The following NWD2 variants were observed in gnomAD, a reference collection of about 807,000 sequenced individuals.
The protein encoded by NWD2 is NACHT and WD repeat domain containing 2.
Under a neutral mutation model 132.7 loss-of-function variants are expected in NWD2, and 37 were observed. The ratio of observed to expected loss-of-function variants is 0.28; its 90% confidence interval spans 0.21 to 0.37. The LOEUF (loss-of-function observed/expected upper bound fraction) is 0.37, where lower values mean the gene tolerates loss of function less well. Among genes scored for constraint, NWD2 ranks in the 10% least tolerant of loss-of-function variants. The pLI is 1.00. For synonymous variants in NWD2, 705 were observed against 803.0 expected (o/e 0.88, Z 2.06); for missense variants, 1,592 against 2,122.4 (o/e 0.75, Z 4.91).
In NWD2 at chr4:37,439,354, TGGG is replaced by T; in HGVS notation, c.1261_1263del (p.Gly421del). Reference sequence around the variant, plus strand: ...TTATTATATATGGTGGGCCATGCACTGGGAAGACCCTTCTGCTAGCTGAAGTAG... The same window carrying T: ...TTATTATATATGGTGGGCCATGCACTAAGACCCTTCTGCTAGCTGAAGTAG... On this transcript the variant is annotated inframe_deletion, in exon 6 of 7. Coordinates refer to ENST00000309447, the MANE Select transcript of NWD2 (RefSeq NM_001144990.2). The surrounding 1 kb of genome is among the most constrained non-coding windows in gnomAD (Gnocchi z 4.5). 1 of 1,499,342 alleles carries T rather than the reference TGGG, an allele frequency of 6.7e-7. No individual in the cohort carries two copies. The highest frequency in any genetic ancestry group is 8.9e-7 in the Non-Finnish European group (1 of 1,123,574). 92.9% of individuals were successfully genotyped at this position (1,499,342 alleles called of 1,614,324 possible). A position where few individuals can be genotyped will look rare whatever the true frequency, so the allele number is the denominator to read the frequency against.
At chr4:37,288,159 A>T (rs999757768) in intron 1 of NWD2, among the ~76,000 whole-genome samples, 8 of 152,148 alleles carry the variant, frequency 5.3e-5, no homozygotes, top group African/African-American at 1.2e-4. Context: ...AGGGCCTCTT[A>T]GGGGTTGAAG....
At chr4:37,409,368 AG>A (rs1345790214) in intron 3 of NWD2, among the ~76,000 whole-genome samples, 3 of 151,878 alleles carry the variant, frequency 2.0e-5, no homozygotes, top group Non-Finnish European at 4.4e-5. Flanking sequence ...AGCATACACA[AG>A]TATCAATAGC....
intron 1 of NWD2, among the ~76,000 whole-genome samples, chr4:37,289,716 T>C (rs1718319626): frequency 6.6e-6 from 1 of 152,212 alleles, no homozygotes; most frequent in African/African-American, 2.4e-5. Flanking sequence ...TTTTGTCAGA[T>C]GCCTATGTCA....
intron 2 of NWD2, among the ~76,000 whole-genome samples, chr4:37,352,384 G>C (rs1168744104): frequency 1.3e-5 from 2 of 151,222 alleles, no homozygotes; most frequent in Non-Finnish European, 2.9e-5. Flanking sequence ...CATATCCCCT[G>C]GTCCAGAGCT....
At chr4:37,367,928 G>A (rs191214001) in intron 3 of NWD2, among the ~76,000 whole-genome samples, 24 of 152,100 alleles carry the variant, frequency 1.6e-4, no homozygotes, top group Admixed American at 6.6e-4. Flanking sequence ...GACCCTAAAT[G>A]GTTTAACTGG....
intron 1 of NWD2, among the ~76,000 whole-genome samples, chr4:37,270,863 T>C (rs1001466066): frequency 1.3e-5 from 2 of 151,902 alleles, no homozygotes; most frequent in African/African-American, 4.8e-5. Flanking sequence ...TATGTTTTCT[T>C]CTAGAAACTA....
intron 1 of NWD2, among the ~76,000 whole-genome samples, chr4:37,267,620 C>T (rs974692993): frequency 2.0e-5 from 3 of 151,884 alleles, no homozygotes; most frequent in Non-Finnish European, 4.4e-5. Context: ...TACTGAAAGT[C>T]GTGGGCTGTA....
At chr4:37,333,304 T>C (rs1264770543) in intron 2 of NWD2, among the ~76,000 whole-genome samples, 1 of 152,200 alleles carries the variant, frequency 6.6e-6, no homozygotes, top group Non-Finnish European at 1.5e-5. Flanking sequence ...CTGTGATGGC[T>C]TCCTGTCTAA....
rs1712248722 is a variant in NWD2 at position 37,434,016 on chromosome 4, C to T, written c.702C>T (p.Phe234=). The stretch of plus-strand genomic sequence containing the variant: ...ACAGCCAGGCTAAGAGGTACCTGTT[C>T]TCAGGTAATTTTCCCATACCTTCAG... ...MKHSQAKRYL[F]SAIEDEFDFA... The change falls in exon 5 of 7, where the codon TTC becomes TTT. Residue 234 remains phenylalanine, a synonymous_variant. Transcript: ENST00000309447. The T allele has an allele frequency of 6.5e-7, 1 of 1,540,680 alleles. No individual in the cohort carries two copies. Among genetic ancestry groups the T allele is most frequent in the African/African-American group, 1.4e-5 (1 of 72,516 alleles).
chr4:37,414,618 C>T (rs916473636), intron 3 of NWD2, among the ~76,000 whole-genome samples: 3 of 152,124 alleles, frequency 2.0e-5, no homozygotes, highest in Admixed American at 6.5e-5. Context: ...AGCTGGCTTG[C>T]ATAGTTTCTC....
intron 2 of NWD2, among the ~76,000 whole-genome samples, chr4:37,351,111 T>A (rs777953226): frequency 6.6e-6 from 1 of 152,224 alleles, no homozygotes; most frequent in Non-Finnish European, 1.5e-5. Context: ...TTTGCATCAG[T>A]GTTTGTCAGG....
At chr4:37,318,020 CTTT>C (rs71185128) in intron 1 of NWD2, among the ~76,000 whole-genome samples, 3 of 113,360 alleles carry the variant, frequency 2.6e-5, no homozygotes, top group African/African-American at 4.1e-5. Flanking sequence ...TTTTTTCTTT[CTTT>C]TTTTTTTTTT....
intron 1 of NWD2, among the ~76,000 whole-genome samples, chr4:37,276,676 C>T (rs1342847640): frequency 4.6e-5 from 7 of 152,048 alleles, no homozygotes; most frequent in Non-Finnish European, 8.8e-5. Flanking sequence ...GCTATAAAGA[C>T]ACATGCACAC....
In NWD2 at chr4:37,443,686, C is replaced by T. The variant is rs770527443; in HGVS notation, c.1698C>T (p.Tyr566=). 6.4e-7 allele frequency: 1 copy of T among 1,552,148 alleles called. No individual in the cohort carries two copies. The highest frequency in any genetic ancestry group is 8.7e-7 in the Non-Finnish European group (1 of 1,147,120). The change falls in exon 7 of 7, where the codon TAC becomes TAT. Residue 566 remains tyrosine (Y), a synonymous_variant. Transcript: ENST00000309447. The surrounding 1 kb of genome is among the most constrained non-coding windows in gnomAD (Gnocchi z 4.1). Reference sequence around the variant, plus strand: ...GCCTTATCCATGAAGAAGACAACTACATCGAGCTGATTCCCCGAGACAGGA... The same window carrying T: ...GCCTTATCCATGAAGAAGACAACTATATCGAGCTGATTCCCCGAGACAGGA... The part of the protein sequence containing the change: ...LRCLIHEEDN[Y]IELIPRDRKM...
chr4:37,392,709 G>C (rs1720701996), intron 3 of NWD2, among the ~76,000 whole-genome samples: 1 of 152,208 alleles, frequency 6.6e-6, no homozygotes. Context: ...TTGCTAGCTT[G>C]AGCTTGGCCC....
chr4:37,425,225 G>T (rs1166811168), intron 3 of NWD2, among the ~76,000 whole-genome samples: 1 of 152,186 alleles, frequency 6.6e-6, no homozygotes, highest in East Asian at 1.9e-4. Context: ...TACATTTACA[G>T]TGTTGTACAA....
intron 1 of NWD2, among the ~76,000 whole-genome samples, chr4:37,281,896 A>G (rs944326637): frequency 1.1e-4 from 17 of 152,182 alleles, no homozygotes; most frequent in African/African-American, 4.1e-4. Context: ...ACAAACAATA[A>G]CACTCTAGTA....
chr4:37,382,998 GAAA>G (rs1189356838), intron 3 of NWD2, among the ~76,000 whole-genome samples: 1 of 152,018 alleles, frequency 6.6e-6, no homozygotes. Flanking sequence ...CCGGCCGCCT[GAAA>G]AAAACTCCTG....
chr4:37,271,843 AAGGACTCTCTAT>A (rs1349085931), intron 1 of NWD2, among the ~76,000 whole-genome samples: 1 of 151,754 alleles, frequency 6.6e-6, no homozygotes, highest in Non-Finnish European at 1.5e-5. Context: ...TTTTATCTTG[AAGGACTCTCTAT>A]AGTGTTTGTT....
Sources: allele counts gnomAD v4.1 joint callset (sites outside exome capture counted in the v4.1 genomes callset), GRCh38; gene constraint gnomAD v4.1.1; non-coding constraint Gnocchi (gnomAD v3.1); transcripts MANE v1.5; gene names NCBI Gene and HGNC (gene_info 2026-07-23, HGNC 2026-07-21).